The following KRABD3 variants were observed in gnomAD, a reference collection of about 807,000 sequenced individuals.
KRABD3 encodes the protein KRAB domain-containing protein 3.
chr7:149,731,670 A>G, the KRABD3 span: 1 of 1,606,868 alleles, frequency 6.2e-7, no homozygotes. Context: ...CTCTTTCTAT[A>G]GGTACAGCTC....
chr7:149,723,921 C>G, the KRABD3 span: 1 of 1,609,010 alleles, frequency 6.2e-7, no homozygotes, highest in East Asian at 2.2e-5. Flanking sequence ...GGGAGGGCCC[C>G]CAGACATCCT....
chr7:149,722,612 A>T, the KRABD3 span: 10 of 1,558,974 alleles, frequency 6.4e-6, no homozygotes, highest in African/African-American at 1.2e-4. Flanking sequence ...AGTTCACACG[A>T]GGAGGTCATG....
chr7:149,729,165 C>T, the KRABD3 span: 16 of 1,459,494 alleles, frequency 1.1e-5, no homozygotes, highest in Non-Finnish European at 1.5e-5. Flanking sequence ...GCTGACAGGC[C>T]TTCTGATTTC....
the KRABD3 span, chr7:149,721,071 A>C: frequency 4.0e-6 from 6 of 1,517,892 alleles, no homozygotes; most frequent in African/African-American, 1.4e-5. Flanking sequence ...ACTGCACTGC[A>C]TGTGGGCTTG....
the KRABD3 span, chr7:149,729,912 G>T: frequency 7.9e-7 from 1 of 1,266,160 alleles, no homozygotes; most frequent in Non-Finnish European, 9.9e-7. Context: ...AAGGACTGGA[G>T]ACTTCCAGAA....
the KRABD3 span, among the ~76,000 whole-genome samples, chr7:149,733,035 A>C: frequency 6.6e-6 from 1 of 152,172 alleles, no homozygotes; most frequent in Non-Finnish European, 1.5e-5. Flanking sequence ...GCCAGTTTTC[A>C]TGCCATAAGC....
At chr7:149,730,430 A>T in the KRABD3 span, 2 of 1,590,202 alleles carry the variant, frequency 1.3e-6, no homozygotes, top group Non-Finnish European at 1.7e-6. Flanking sequence ...GACGTTAGAG[A>T]GGGACCGCCT....
At chr7:149,715,717 G>A in the KRABD3 span, among the ~76,000 whole-genome samples, 2 of 152,188 alleles carry the variant, frequency 1.3e-5, no homozygotes, top group East Asian at 3.9e-4. Flanking sequence ...ATGGATGGGG[G>A]GCAGCGTGTG....
At chr7:149,734,101 G>T in the KRABD3 span, 1 of 1,535,696 alleles carries the variant, frequency 6.5e-7, no homozygotes, top group Non-Finnish European at 8.8e-7. Flanking sequence ...CAGTGGTGGC[G>T]TGGAAGCCCT....
chr7:149,726,985 A>G, the KRABD3 span, among the ~76,000 whole-genome samples: 1 of 152,174 alleles, frequency 6.6e-6, no homozygotes, highest in Non-Finnish European at 1.5e-5. Flanking sequence ...GTAATATCAA[A>G]CTGACCCCCA....
At chr7:149,730,530 G>A in the KRABD3 span, 1 of 1,612,040 alleles carries the variant, frequency 6.2e-7, no homozygotes, top group Non-Finnish European at 8.5e-7. Context: ...GAAGACCCCA[G>A]GAGAACAGAG....
the KRABD3 span, chr7:149,715,127 G>A: frequency 8.1e-7 from 1 of 1,230,836 alleles, no homozygotes; most frequent in East Asian, 3.2e-5. Context: ...GGTAGGGCGA[G>A]AAAGAGCTGG....
chr7:149,722,159 T>C, the KRABD3 span: 2 of 512,852 alleles, frequency 3.9e-6, no homozygotes, highest in Non-Finnish European at 7.1e-6. Flanking sequence ...GATTGTGGCC[T>C]ACATGTCAAG....
At chr7:149,724,017 G>A in the KRABD3 span, 12 of 941,106 alleles carry the variant, frequency 1.3e-5, no homozygotes, top group African/African-American at 3.3e-5. Flanking sequence ...AAGAGGATCC[G>A]GATGCGGGGG....
At chr7:149,720,833 A>C in the KRABD3 span, 9 of 1,583,266 alleles carry the variant, frequency 5.7e-6, no homozygotes, top group Non-Finnish European at 7.7e-6. Context: ...GCCTCTCTGC[A>C]GGGGGACAGC....
chr7:149,724,867 C>T, the KRABD3 span: 1 of 1,539,584 alleles, frequency 6.5e-7, no homozygotes, highest in Non-Finnish European at 8.7e-7. Flanking sequence ...CTGAGATTGG[C>T]TGCTCTGGTG....
chr7:149,718,039 C>G, the KRABD3 span, among the ~76,000 whole-genome samples: 14 of 152,068 alleles, frequency 9.2e-5, no homozygotes, highest in Non-Finnish European at 1.9e-4. Context: ...CTCAGGTGAT[C>G]CACCCACCTG....
chr7:149,733,954 G>A, the KRABD3 span: 3 of 1,602,236 alleles, frequency 1.9e-6, no homozygotes, highest in Non-Finnish European at 2.6e-6. Flanking sequence ...AGCGGCCCAA[G>A]GAGCCGAGCA....
chr7:149,730,206 C>A, the KRABD3 span: 2 of 1,574,172 alleles, frequency 1.3e-6, no homozygotes, highest in Non-Finnish European at 1.7e-6. Context: ...GGGGATCTTG[C>A]CTGTAAGGCC....
Sources: allele counts gnomAD v4.1 joint callset (sites outside exome capture counted in the v4.1 genomes callset), GRCh38; gene constraint gnomAD v4.1.1; transcripts MANE v1.5; gene names NCBI Gene and HGNC (gene_info 2026-07-23, HGNC 2026-07-21).